Variants in PPP2R5A observed in about 807,000 individuals in gnomAD.
PPP2R5A encodes the protein serine/threonine-protein phosphatase 2A 56 kDa regulatory subunit alpha isoform.
Under a neutral mutation model 64.2 loss-of-function variants are expected in PPP2R5A, and 25 were observed. The ratio of observed to expected loss-of-function variants is 0.39; its 90% CI spans 0.28 to 0.54. PPP2R5A has a LOEUF of 0.54. Ranked by LOEUF, PPP2R5A falls within the 20% of genes least tolerant of loss-of-function variation. The pLI is 0.67. For missense variants in PPP2R5A, 425 were observed against 576.3 expected (o/e 0.74, Z 2.69); for synonymous variants, 198 against 201.2 (o/e 0.98, Z 0.13).
intron 2 of PPP2R5A, among the ~76,000 whole-genome samples, chr1:212,329,802 C>T (rs561873835): frequency 4.6e-5 from 7 of 152,256 alleles, no homozygotes; most frequent in South Asian, 2.1e-4. Flanking sequence ...CCCACGACCA[C>T]GCCCAGCCAA....
intron 8 of PPP2R5A, among the ~76,000 whole-genome samples, chr1:212,351,028 C>A (rs1558154492): frequency 2.0e-5 from 3 of 149,356 alleles, no homozygotes; most frequent in African/African-American, 7.4e-5. Flanking sequence ...CCTGTAATCT[C>A]AGCTACTAGG....
chr1:212,344,686 TAAGTTTCTTTACCATTTTA>T (rs1261771828), intron 4 of PPP2R5A, among the ~76,000 whole-genome samples: 3 of 152,150 alleles, frequency 2.0e-5, no homozygotes, highest in African/African-American at 7.2e-5. Flanking sequence ...CAGAAGAAAT[TAAGTTTCTTTACCATTTTA>T]AATGGAAATT....
chr1:212,310,958 G>T (rs1367985041), intron 1 of PPP2R5A, among the ~76,000 whole-genome samples: 2 of 152,298 alleles, frequency 1.3e-5, no homozygotes, highest in East Asian at 3.9e-4. Flanking sequence ...ACATAGCTGA[G>T]CCAAGGGGGA....
chr1:212,301,010 A>C (rs1414120817), intron 1 of PPP2R5A, among the ~76,000 whole-genome samples: 1 of 152,072 alleles, frequency 6.6e-6, no homozygotes, highest in African/African-American at 2.4e-5. Context: ...TAGAGACTTG[A>C]ACACCTTGTT....
chr1:212,308,644 G>A (rs1658966035), intron 1 of PPP2R5A, among the ~76,000 whole-genome samples: 1 of 151,970 alleles, frequency 6.6e-6, no homozygotes. Context: ...CCTGACCTCA[G>A]GTGATCCTCC....
chr1:212,334,077 A>G (rs1454971988), intron 3 of PPP2R5A: 1 of 152,360 alleles, frequency 6.6e-6, no homozygotes, highest in Admixed American at 6.5e-5. Flanking sequence ...AATGTTTTCA[A>G]GGTTCATAAA....
intron 1 of PPP2R5A, among the ~76,000 whole-genome samples, chr1:212,309,760 T>C (rs1658993239): frequency 6.6e-6 from 1 of 152,062 alleles, no homozygotes; most frequent in Non-Finnish European, 1.5e-5. Context: ...TGGGCCACAT[T>C]GGAAGAATTG....
intron 1 of PPP2R5A, among the ~76,000 whole-genome samples, chr1:212,290,564 A>G (rs1658581806): frequency 6.6e-6 from 1 of 152,250 alleles, no homozygotes; most frequent in Non-Finnish European, 1.5e-5. Context: ...GAAATTGCTA[A>G]ATAAAGTGTT....
At chr1:212,322,316 A>G (rs1659321777) in intron 1 of PPP2R5A, among the ~76,000 whole-genome samples, 1 of 149,382 alleles carries the variant, frequency 6.7e-6, no homozygotes, top group Non-Finnish European at 1.5e-5. Flanking sequence ...ATTGTTACTC[A>G]TGTTTATAAA....
intron 8 of PPP2R5A, among the ~76,000 whole-genome samples, chr1:212,353,302 A>G (rs1376044366): frequency 6.6e-6 from 1 of 152,180 alleles, no homozygotes; most frequent in African/African-American, 2.4e-5. Context: ...AGAAGTCACA[A>G]TCTTTTGTAT....
At chr1:212,322,188 G>C (rs201184392) in intron 1 of PPP2R5A, among the ~76,000 whole-genome samples, 4 of 149,930 alleles carry the variant, frequency 2.7e-5, no homozygotes, top group African/African-American at 4.9e-5. Flanking sequence ...GAAAGAGAGG[G>C]AGAGGGAGAC....
intron 3 of PPP2R5A, among the ~76,000 whole-genome samples, chr1:212,341,277 T>A (rs542664622): frequency 1.3e-5 from 2 of 152,328 alleles, no homozygotes; most frequent in South Asian, 4.1e-4. Flanking sequence ...TTTGCTGTGG[T>A]TGGTACACAG....
At chr1:212,299,851 C>G (rs935110047) in intron 1 of PPP2R5A, among the ~76,000 whole-genome samples, 11 of 150,052 alleles carry the variant, frequency 7.3e-5, no homozygotes, top group Non-Finnish European at 1.5e-4. Flanking sequence ...CTCGCTCTGT[C>G]CCCCAGGCTG....
chr1:212,354,589 C>A (rs1453484933), intron 8 of PPP2R5A, among the ~76,000 whole-genome samples: 1 of 151,702 alleles, frequency 6.6e-6, no homozygotes, highest in Non-Finnish European at 1.5e-5. Context: ...GAGGCTGAGG[C>A]AGGAGGATCA....
chr1:212,330,898 T>C (rs1007127360), intron 2 of PPP2R5A, among the ~76,000 whole-genome samples: 4 of 151,726 alleles, frequency 2.6e-5, no homozygotes, highest in African/African-American at 9.7e-5. Context: ...CTGGGCACAG[T>C]GGCTCATGCC....
intron 8 of PPP2R5A, among the ~76,000 whole-genome samples, chr1:212,354,057 G>A (rs987095899): frequency 6.6e-5 from 10 of 152,208 alleles, no homozygotes; most frequent in South Asian, 4.1e-4. Flanking sequence ...GGTGGCGGGC[G>A]CCTGTAGTCC....
intron 1 of PPP2R5A, among the ~76,000 whole-genome samples, chr1:212,297,155 T>A (rs1468884149): frequency 8.4e-6 from 1 of 119,150 alleles, no homozygotes; most frequent in Non-Finnish European, 1.6e-5. Flanking sequence ...GGAGTCTCAC[T>A]CTATCGCCCA....
chr1:212,310,622 GC>G (rs1659011318), intron 1 of PPP2R5A, among the ~76,000 whole-genome samples: 1 of 152,192 alleles, frequency 6.6e-6, no homozygotes, highest in African/African-American at 2.4e-5. Context: ...GGGAGCAGCA[GC>G]CCGAGGTCTT....
intron 1 of PPP2R5A, among the ~76,000 whole-genome samples, chr1:212,321,414 G>A (rs1449248261): frequency 1.6e-4 from 24 of 150,316 alleles, no homozygotes; most frequent in Non-Finnish European, 2.8e-4. Flanking sequence ...AGGCGGAGAC[G>A]CTCCTCACTT....
Sources: allele counts gnomAD v4.1 joint callset (sites outside exome capture counted in the v4.1 genomes callset), GRCh38; gene constraint gnomAD v4.1.1; transcripts MANE v1.5; gene names NCBI Gene and HGNC (gene_info 2026-07-23, HGNC 2026-07-21).